The following IQCM variants were observed in gnomAD, a reference collection of about 807,000 sequenced individuals.
The protein encoded by IQCM is IQ motif containing M, also known as IQ domain-containing protein M.
IQCM carries 45 observed loss-of-function variants against 57.6 expected under a neutral mutation model. The observed-to-expected ratio is 0.78, with a 90% confidence interval of 0.62 to 1.00. The LOEUF (loss-of-function observed/expected upper bound fraction) is 1.00, where lower values mean the gene tolerates loss of function less well. Among genes scored for constraint, IQCM ranks in the 50% least tolerant of loss-of-function variants. The pLI is 0.00. For synonymous variants in IQCM, 148 were observed against 158.9 expected (o/e 0.93, Z 0.51); for missense variants, 468 against 511.6 (o/e 0.91, Z 0.82).
chr4:149,457,824 A>G (rs1407012589), intron 12 of IQCM, among the ~76,000 whole-genome samples: 1 of 152,092 alleles, frequency 6.6e-6, no homozygotes, highest in Non-Finnish European at 1.5e-5. Context: ...GTAATAAAGA[A>G]AAATATATGT....
chr4:149,432,901 CA>C (rs986932225), intron 13 of IQCM, among the ~76,000 whole-genome samples: 1 of 151,814 alleles, frequency 6.6e-6, no homozygotes, highest in Non-Finnish European at 1.5e-5. Context: ...TAGAGAAATG[CA>C]AATTAAAACC....
intron 12 of IQCM, among the ~76,000 whole-genome samples, chr4:149,518,062 A>G (rs1433353668): frequency 1.3e-5 from 2 of 152,306 alleles, no homozygotes; most frequent in Non-Finnish European, 2.9e-5. Context: ...GCATATTTCG[A>G]GTCTCTGCTG....
intron 13 of IQCM, among the ~76,000 whole-genome samples, chr4:149,397,536 A>G (rs1732315463): frequency 6.6e-6 from 1 of 151,932 alleles, no homozygotes; most frequent in Non-Finnish European, 1.5e-5. Flanking sequence ...GCTGCCATGT[A>G]AGATGTGCCT....
intron 12 of IQCM, among the ~76,000 whole-genome samples, chr4:149,482,685 T>A (rs1169671491): frequency 1.3e-5 from 2 of 151,886 alleles, no homozygotes; most frequent in Non-Finnish European, 2.9e-5. Context: ...TTTTCCAGTA[T>A]TTTTTGAGGA....
chr4:149,699,078 T>C (rs1302034731), intron 5 of IQCM, among the ~76,000 whole-genome samples: 2 of 152,080 alleles, frequency 1.3e-5, no homozygotes, highest in Non-Finnish European at 2.9e-5. Flanking sequence ...CATAACGTCA[T>C]ACAGTATAAG....
At chr4:149,742,808 C>T (rs1194615087) in intron 2 of IQCM, 69 bp from the exon 3 acceptor site, 39 of 696,420 alleles carry the variant, frequency 5.6e-5, no homozygotes, top group Non-Finnish European at 7.6e-5. Flanking sequence ...CTTTTGCTCA[C>T]TCATAGGTAA....
intron 5 of IQCM, among the ~76,000 whole-genome samples, chr4:149,693,545 T>A (rs915672961): frequency 5.9e-5 from 9 of 152,194 alleles, no homozygotes; most frequent in South Asian, 2.1e-4. Flanking sequence ...ACCTTTATCA[T>A]CTTTCATCTG....
chr4:149,733,658 A>G (rs998810196), intron 4 of IQCM, 150 bp from the exon 5 acceptor site: 1 of 404,664 alleles, frequency 2.5e-6, no homozygotes, highest in Non-Finnish European at 4.2e-6. Flanking sequence ...CATTTACTCT[A>G]ATGTAAATTA....
rs376948529 is a variant in IQCM at position 149,787,691 on chromosome 4, G to A, written c.-49+27620C>T. On this transcript the variant is annotated intron_variant, in intron 2 of 13. Transcript: ENST00000636793. ...TCACCATATACAAAAATCAACCGAA[G>A]CTAGATTAAAGACTTAAACATAAGA... Among the ~76,000 whole-genome samples the A allele has an allele frequency of 2.0e-5, 3 of 152,082 alleles. No individual in the cohort carries two copies. In the South Asian group the frequency reaches 6.2e-4, roughly 32 times the overall value.
intron 2 of IQCM, among the ~76,000 whole-genome samples, chr4:149,762,624 A>G (rs1343999942): frequency 2.0e-5 from 3 of 152,060 alleles, no homozygotes; most frequent in Non-Finnish European, 4.4e-5. Context: ...CTATAAGACA[A>G]TCAATGCCAG....
intron 12 of IQCM, among the ~76,000 whole-genome samples, chr4:149,449,730 T>A (rs979496028): frequency 1.3e-5 from 2 of 151,718 alleles, no homozygotes; most frequent in African/African-American, 4.8e-5. Context: ...AAGGAAGATA[T>A]TTCATGTTCA....
chr4:149,802,007 A>AATAT (rs35851284), intron 2 of IQCM, among the ~76,000 whole-genome samples: 18 of 151,450 alleles, frequency 1.2e-4, no homozygotes, highest in South Asian at 4.2e-4. Context: ...GTACCCTATT[A>AATAT]ATATATATAT....
At chr4:149,491,219 C>T (rs1354358) in intron 12 of IQCM, among the ~76,000 whole-genome samples, 23,531 of 151,896 alleles carry the variant, frequency 0.15, 2,198 homozygotes, top group South Asian at 0.33. Context: ...TTTTGAAATA[C>T]GTATACTTTA....
chr4:149,792,708 C>A (rs955609193), intron 2 of IQCM, among the ~76,000 whole-genome samples: 1 of 152,138 alleles, frequency 6.6e-6, no homozygotes, highest in Non-Finnish European at 1.5e-5. Context: ...TAAACAGAAG[C>A]CATAATTAAC....
At chr4:149,484,280 A>C (rs1401073751) in intron 12 of IQCM, among the ~76,000 whole-genome samples, 1 of 151,926 alleles carries the variant, frequency 6.6e-6, no homozygotes, top group Non-Finnish European at 1.5e-5. Context: ...TTTTGATTGT[A>C]GAGTTAACTC....
intron 2 of IQCM, among the ~76,000 whole-genome samples, chr4:149,747,540 A>T (rs1473606138): frequency 2.0e-5 from 3 of 152,238 alleles, no homozygotes; most frequent in Non-Finnish European, 2.9e-5. Context: ...GTCCATTTTT[A>T]AAAAATATTT....
intron 13 of IQCM, among the ~76,000 whole-genome samples, chr4:149,427,275 G>A (rs1321672701): frequency 6.6e-6 from 1 of 151,926 alleles, no homozygotes; most frequent in Non-Finnish European, 1.5e-5. Flanking sequence ...GTATATAGTA[G>A]ACACTCAGTT....
chr4:149,755,227 A>T (rs1259055773), intron 2 of IQCM, among the ~76,000 whole-genome samples: 2 of 152,144 alleles, frequency 1.3e-5, no homozygotes, highest in African/African-American at 4.8e-5. Context: ...CTCCCAACCC[A>T]GCAACCAGAG....
At chr4:149,633,030 G>A (rs986970538) in intron 7 of IQCM, among the ~76,000 whole-genome samples, 31 of 149,496 alleles carry the variant, frequency 2.1e-4, no homozygotes, top group African/African-American at 4.7e-4. Flanking sequence ...GCGCGGTGGC[G>A]GGCGCCTGTA....
Sources: gnomAD v4.1 joint callset for allele counts (sites outside exome capture counted in the v4.1 genomes callset) on GRCh38, gnomAD v4.1.1 for gene constraint, MANE v1.5 for transcripts, NCBI Gene and HGNC (gene_info 2026-07-23, HGNC 2026-07-21) for gene names.